Variants in USP6NL observed in about 807,000 individuals in gnomAD.
USP6NL encodes the protein USP6 N-terminal-like protein.
USP6NL carries 26 observed loss-of-function variants against 61.9 expected under a neutral mutation model. The ratio of observed to expected loss-of-function variants is 0.42; its 90% CI spans 0.31 to 0.58. USP6NL has a LOEUF of 0.58. USP6NL is among the 20% of genes least tolerant of loss of function. USP6NL has a pLI of 0.16. For synonymous variants in USP6NL, 432 were observed against 390.1 expected (o/e 1.11, Z -1.27); for missense variants, 1,114 against 1,034.3 (o/e 1.08, Z -1.06).
chr10:11,573,465 T>G (rs2133579144), intron 2 of USP6NL: 2 of 391,294 alleles, frequency 5.1e-6, no homozygotes, highest in East Asian at 7.3e-5. Flanking sequence ...TACCTGATCC[T>G]TTTCAGATAC....
chr10:11,530,530 T>C (rs1235053467), intron 2 of USP6NL, among the ~76,000 whole-genome samples: 1 of 152,202 alleles, frequency 6.6e-6, no homozygotes, highest in Non-Finnish European at 1.5e-5. Context: ...TACTTTAAAG[T>C]GATCAGAACA....
At chr10:11,543,548 T>G (rs1356777115) in intron 2 of USP6NL, among the ~76,000 whole-genome samples, 3 of 147,092 alleles carry the variant, frequency 2.0e-5, no homozygotes, top group Non-Finnish European at 4.5e-5. Flanking sequence ...TCTCAAAAAA[T>G]AAAAAAGAAA....
chr10:11,570,216 A>G (rs1376597977), intron 2 of USP6NL, among the ~76,000 whole-genome samples: 1 of 152,214 alleles, frequency 6.6e-6, no homozygotes, highest in Non-Finnish European at 1.5e-5. Context: ...CTTGTCTATT[A>G]TAATGCCTGT....
At chr10:11,590,683 A>T (rs990326668) in intron 2 of USP6NL, among the ~76,000 whole-genome samples, 2 of 152,148 alleles carry the variant, frequency 1.3e-5, no homozygotes, top group African/African-American at 4.8e-5. Flanking sequence ...AAACTGTAAA[A>T]ATCAAACTCT....
Position 11,489,015 on chromosome 10 carries a change from T to C in USP6NL, c.664+87A>G, listed in dbSNP as rs1036083647. ...GCCCTGAGACATTAAATTTGCTGTA[T>C]GTAACTCTTGCAAGCATCTTTGGTT... On this transcript the variant is annotated intron_variant, in intron 10 of 14. Transcript: ENST00000609104. This position sits in a 1 kb window ranked among gnomAD's most constrained non-coding sequence, Gnocchi z 5.7. 4 of 1,550,680 alleles carry C rather than the reference T, an allele frequency of 2.6e-6. No homozygotes were observed. The highest frequency in any genetic ancestry group is 3.5e-6 in the Non-Finnish European group (4 of 1,144,002).
Position 11,548,259 on chromosome 10 carries a change from C to T in USP6NL, c.5-20692G>A, listed in dbSNP as rs1836356424. ...AAGTCCCCTTTGAAATTTGATGCCC[C>T]AAATTCAACATGATACCCCGGAAAA... On this transcript the variant is annotated intron_variant, in intron 2 of 14. Coordinates refer to ENST00000609104, the MANE Select transcript of USP6NL (RefSeq NM_014688.5). The surrounding 1 kb of genome is among the most constrained non-coding windows in gnomAD (Gnocchi z 4.3). 6.6e-6 allele frequency among the ~76,000 whole-genome samples: 1 copy of T among 152,188 alleles called. No individual in the cohort carries two copies. The highest frequency in any genetic ancestry group is 2.4e-5 in the African/African-American group (1 of 41,454).
At chr10:11,601,686 A>G (rs1224000313) in intron 1 of USP6NL, among the ~76,000 whole-genome samples, 1 of 152,270 alleles carries the variant, frequency 6.6e-6, no homozygotes, top group African/African-American at 2.4e-5. Flanking sequence ...TTAAGAGGCC[A>G]AAAGAGTTGT....
intron 7 of USP6NL, among the ~76,000 whole-genome samples, chr10:11,497,226 G>A (rs911314149): frequency 3.3e-5 from 5 of 150,600 alleles, no homozygotes; most frequent in Admixed American, 6.6e-5. Context: ...TGGCTAACAC[G>A]GTGAAACCCC....
intron 2 of USP6NL, among the ~76,000 whole-genome samples, chr10:11,539,921 G>A (rs1279758173): frequency 1.3e-5 from 2 of 152,320 alleles, no homozygotes; most frequent in African/African-American, 4.8e-5. Flanking sequence ...ACTGAGGCGT[G>A]GAAATGTTAA....
chr10:11,462,919 G>T lies in USP6NL; in HGVS notation c.2009C>A (p.Pro670His). 6.2e-7 allele frequency: 1 copy of T among 1,613,540 alleles called. No individual in the cohort carries two copies. The highest frequency in any genetic ancestry group is 2.2e-5 in the East Asian group (1 of 44,870). The change falls in exon 15 of 15, where the codon CCT becomes CAT. Residue 670 changes from proline (P) to histidine (H), a missense_variant. Pro to His is a moderately conservative substitution (Grantham distance 77). Transcript: ENST00000609104. The part of the protein sequence containing the change: ...PGTQLNPSRR[P>H]HGSTLSVSAS... ...ACTGACGGAAAGAGTAGAACCATGA[G>T]GTCTCCTGGAAGGATTCAGTTGAGT...
chr10:11,566,375 T>C (rs1406654214), intron 2 of USP6NL, among the ~76,000 whole-genome samples: 2 of 152,238 alleles, frequency 1.3e-5, no homozygotes, highest in Non-Finnish European at 2.9e-5. Context: ...CCACGCATAT[T>C]TGTTTATTTA....
intron 6 of USP6NL, among the ~76,000 whole-genome samples, chr10:11,504,632 A>G (rs1395625478): frequency 6.6e-6 from 1 of 152,242 alleles, no homozygotes; most frequent in Non-Finnish European, 1.5e-5. Flanking sequence ...AACGAACATC[A>G]TTCATTCATT....
chr10:11,560,710 T>C (rs893832537), intron 2 of USP6NL, among the ~76,000 whole-genome samples: 1 of 108,336 alleles, frequency 9.2e-6, no homozygotes, highest in Non-Finnish European at 2.0e-5. Context: ...AAAATATATA[T>C]ATATTATATA....
rs1045669196 is a variant in USP6NL at position 11,474,588 on chromosome 10, C to G, written c.1078+7182G>C. On this transcript the variant is annotated intron_variant, in intron 14 of 14. Coordinates refer to ENST00000609104, the MANE Select transcript of USP6NL (RefSeq NM_014688.5). This position sits in a 1 kb window ranked among gnomAD's most constrained non-coding sequence, Gnocchi z 4.9. ...AAAATACTATACTAACTTTTGTAAA[C>G]TGAATTAAATGTAAGGAAGAAATAC... Among the ~76,000 whole-genome samples the G allele has an allele frequency of 6.6e-6, 1 of 151,990 alleles. No individual in the cohort carries two copies. Among genetic ancestry groups the G allele is most frequent in the Non-Finnish European group, 1.5e-5 (1 of 68,002 alleles).
rs1436674289 is a variant in USP6NL, at chr10:11,511,956, A to G, written c.196-2281T>C. The stretch of plus-strand genomic sequence containing the variant: ...TCAACAATACCAAACTTGAATGCAC[A>G]TGAAAGTCTCTTTCCCCCAATCATG... On this transcript the variant is annotated intron_variant, in intron 5 of 14. Coordinates refer to ENST00000609104, the MANE Select transcript of USP6NL (RefSeq NM_014688.5). The surrounding 1 kb of genome is among the most constrained non-coding windows in gnomAD (Gnocchi z 4.9). 6.6e-6 allele frequency among the ~76,000 whole-genome samples: 1 copy of G among 152,208 alleles called. No individual in the cohort carries two copies. The highest frequency in any genetic ancestry group is 1.5e-5 in the Non-Finnish European group (1 of 68,040).
intron 1 of USP6NL, among the ~76,000 whole-genome samples, chr10:11,606,496 A>G (rs897936228): frequency 2.6e-5 from 4 of 152,242 alleles, no homozygotes; most frequent in African/African-American, 9.6e-5. Context: ...TAAAACATGC[A>G]TGCATCTTAA....
In USP6NL at chr10:11,589,073, C is replaced by T. The variant is rs942865010; in HGVS notation, c.4+8558G>A. Among the ~76,000 whole-genome samples the T allele has an allele frequency of 2.6e-5, 4 of 152,170 alleles. No individual in the cohort carries two copies. Among genetic ancestry groups the T allele is most frequent in the Non-Finnish European group, 5.9e-5 (4 of 68,018 alleles). On this transcript the variant is annotated intron_variant, in intron 2 of 14. Transcript: ENST00000609104. The surrounding 1 kb of genome is among the most constrained non-coding windows in gnomAD (Gnocchi z 4.7). ...GGATAAGATAATGGCAATGGAGAAG[C>T]GCCTTTCCTTATCCAGAAGAGAGAC...
chr10:11,568,398 A>G (rs1477084171), intron 2 of USP6NL, among the ~76,000 whole-genome samples: 2 of 152,216 alleles, frequency 1.3e-5, no homozygotes, highest in Non-Finnish European at 2.9e-5. Context: ...ATATGATAGT[A>G]AAACTAGATC....
Position 11,595,941 on chromosome 10 carries a change from A to C in USP6NL, c.4+1690T>G, listed in dbSNP as rs1223628894. On this transcript the variant is annotated intron_variant, in intron 2 of 14. Coordinates refer to ENST00000609104, the MANE Select transcript of USP6NL (RefSeq NM_014688.5). This position sits in a 1 kb window ranked among gnomAD's most constrained non-coding sequence, Gnocchi z 5.3. Reference sequence around the variant, plus strand: ...AATGAAATATAAATATTACAATTTAAAGGTGAAAAATGTTATGTGGTTCAA... The same window carrying C: ...AATGAAATATAAATATTACAATTTACAGGTGAAAAATGTTATGTGGTTCAA... Among the ~76,000 whole-genome samples, 1 of 152,230 alleles carries C rather than the reference A, an allele frequency of 6.6e-6. No individual in the cohort carries two copies. The highest frequency in any genetic ancestry group is 2.4e-5 in the African/African-American group (1 of 41,456).
Sources: allele counts gnomAD v4.1 joint callset (sites outside exome capture counted in the v4.1 genomes callset), GRCh38; gene constraint gnomAD v4.1.1; non-coding constraint Gnocchi (gnomAD v3.1); transcripts MANE v1.5; gene names NCBI Gene and HGNC (gene_info 2026-07-23, HGNC 2026-07-21).